The following GRIA4 variants were observed in gnomAD, a reference collection of about 807,000 sequenced individuals.
GRIA4 encodes glutamate receptor 4.
A neutral mutation model predicts 104.0 loss-of-function variants in GRIA4; 34 were observed. That is an observed-to-expected ratio of 0.33 (90% CI 0.25 to 0.44). The LOEUF is 0.44. Ranked by LOEUF, GRIA4 falls within the 20% of genes least tolerant of loss-of-function variation. The pLI, the probability that GRIA4 is intolerant of heterozygous loss-of-function variation, is 1.00. For missense variants in GRIA4, 750 were observed against 1,096.5 expected, an observed-to-expected ratio of 0.68 and a Z score of 4.46; for synonymous variants, 386 against 381.9, an observed-to-expected ratio of 1.01 and a Z score of -0.13.
chr11:105,806,207 A>G (rs898984315), intron 4 of GRIA4, among the ~76,000 whole-genome samples: 2 of 151,910 alleles, frequency 1.3e-5, no homozygotes, highest in African/African-American at 4.8e-5. Context: ...AAAAAGAAAT[A>G]TAAGTGGTTG....
intron 14 of GRIA4, among the ~76,000 whole-genome samples, chr11:105,957,062 C>G (rs567477774): frequency 5.2e-4 from 79 of 152,228 alleles, no homozygotes; most frequent in African/African-American, 1.8e-3. Flanking sequence ...TGTAGGTTGC[C>G]TGTTCACTCT....
chr11:105,947,934 A>C (rs1948357113), intron 14 of GRIA4, among the ~76,000 whole-genome samples: 1 of 152,208 alleles, frequency 6.6e-6, no homozygotes, highest in African/African-American at 2.4e-5. Context: ...AGAATCTCAT[A>C]AACTTAAAAT....
rs2136148524 is a variant in GRIA4, at chr11:105,905,231, T to C, written c.1088T>C (p.Phe363Ser). ...CAAGGGCTGACAGGGAATGTTCAGTTTGACCACTATGGACGTAGAGTCAAT... is the reference window on the plus strand; with the variant it reads ...CAAGGGCTGACAGGGAATGTTCAGTCTGACCACTATGGACGTAGAGTCAAT... ...RIQGLTGNVQ[F>S]DHYGRRVNYT... The change falls in exon 9 of 17, where the codon TTT becomes TCT. Residue 363 changes from phenylalanine (F) to serine (S), a missense_variant. Physicochemically the swap from Phe to Ser is radical, Grantham distance 155 (BLOSUM62 -2). Around this residue, in one of 3 missense-constraint regions of GRIA4, gnomAD observed 410 missense variants for 502.7 expected, o/e 0.82. Coordinates refer to ENST00000282499, the MANE Select transcript of GRIA4 (RefSeq NM_000829.4). 6.2e-7 allele frequency: 1 copy of C among 1,610,500 alleles called. No homozygotes were observed. Among genetic ancestry groups the C allele is most frequent in the Non-Finnish European group, 8.5e-7 (1 of 1,176,772 alleles).
At chr11:105,615,621 A>C (rs1486214589) in intron 3 of GRIA4, among the ~76,000 whole-genome samples, 1 of 151,856 alleles carries the variant, frequency 6.6e-6, no homozygotes, top group Non-Finnish European at 1.5e-5. Context: ...TGGACATTTA[A>C]AAAATAAATT....
At chr11:105,820,067 A>C (rs1943523355) in intron 4 of GRIA4, among the ~76,000 whole-genome samples, 1 of 152,130 alleles carries the variant, frequency 6.6e-6, no homozygotes, top group African/African-American at 2.4e-5. Flanking sequence ...AACTAGGAAG[A>C]GGCAGGGCAA....
chr11:105,654,391 A>G (rs918535324), intron 3 of GRIA4, among the ~76,000 whole-genome samples: 4 of 152,100 alleles, frequency 2.6e-5, no homozygotes, highest in South Asian at 2.1e-4. Flanking sequence ...CGCTATGTTC[A>G]TTAACTCAAT....
intron 3 of GRIA4, among the ~76,000 whole-genome samples, chr11:105,675,736 C>T (rs930167613): frequency 7.9e-5 from 12 of 151,658 alleles, no homozygotes; most frequent in African/African-American, 2.9e-4. Flanking sequence ...CATGGCTTAC[C>T]AAGTGCTTTT....
At chr11:105,803,895 T>TA (rs976804682) in intron 4 of GRIA4, among the ~76,000 whole-genome samples, 29 of 147,906 alleles carry the variant, frequency 2.0e-4, no homozygotes, top group Admixed American at 3.4e-4. Flanking sequence ...CCATGATTAC[T>TA]AGTATCTTGG....
In GRIA4 at chr11:105,981,755, T is replaced by A. The variant is rs2136304282; in HGVS notation, c.*2016T>A. 1 of 152,750 alleles carries A rather than the reference T, an allele frequency of 6.5e-6. No homozygotes were observed. The highest frequency in any genetic ancestry group is 2.4e-5 in the African/African-American group (1 of 41,546). 9.5% of individuals were successfully genotyped at this position (152,750 alleles called of 1,614,324 possible). ...ATGGAGCACTGCATAGACTATTTCC[T>A]CAGTGCGTAACTCCTCCCTGTCTCC... On this transcript the variant is annotated 3_prime_UTR_variant, in exon 17 of 17. Coordinates refer to ENST00000282499, the MANE Select transcript of GRIA4 (RefSeq NM_000829.4).
chr11:105,638,526 G>A (rs977693566), intron 3 of GRIA4, among the ~76,000 whole-genome samples: 7 of 130,872 alleles, frequency 5.3e-5, no homozygotes, highest in African/African-American at 1.1e-4. Flanking sequence ...TGTGCCTTAC[G>A]AGGTGCGCGT....
intron 4 of GRIA4, among the ~76,000 whole-genome samples, chr11:105,849,048 TG>T (rs1944700973): frequency 6.6e-6 from 1 of 152,044 alleles, no homozygotes; most frequent in Admixed American, 6.6e-5. Context: ...AAATATTAGC[TG>T]GGCATTGTGG....
intron 4 of GRIA4, among the ~76,000 whole-genome samples, chr11:105,775,252 T>C (rs1049387618): frequency 5.3e-5 from 8 of 152,116 alleles, no homozygotes; most frequent in Admixed American, 1.3e-4. Context: ...TCAAAACCCT[T>C]CATTTAATCA....
chr11:105,730,988 C>A (rs1433456039), intron 3 of GRIA4, among the ~76,000 whole-genome samples: 1 of 152,114 alleles, frequency 6.6e-6, no homozygotes, highest in African/African-American at 2.4e-5. Context: ...ATGAGTAAAA[C>A]ACCAAAGGCA....
At chr11:105,847,265 T>C (rs1944633717) in intron 4 of GRIA4, among the ~76,000 whole-genome samples, 1 of 152,188 alleles carries the variant, frequency 6.6e-6, no homozygotes, top group African/African-American at 2.4e-5. Flanking sequence ...CCTATGAGCA[T>C]CTAATGCCAC....
chr11:105,806,348 A>G (rs1258399189), intron 4 of GRIA4, among the ~76,000 whole-genome samples: 2 of 151,894 alleles, frequency 1.3e-5, no homozygotes, highest in African/African-American at 4.8e-5. Flanking sequence ...AGAGAGATAG[A>G]ACAAAGGAGA....
At chr11:105,664,399 T>A (rs1337921039) in intron 3 of GRIA4, among the ~76,000 whole-genome samples, 1 of 150,270 alleles carries the variant, frequency 6.7e-6, no homozygotes, top group Non-Finnish European at 1.5e-5. Flanking sequence ...GCATAAGAGA[T>A]CCAAGAGGTA....
At chr11:105,885,033 G>A (rs908296863) in intron 5 of GRIA4, among the ~76,000 whole-genome samples, 15 of 152,146 alleles carry the variant, frequency 9.9e-5, no homozygotes, top group African/African-American at 3.1e-4. Context: ...CCAGAAGAAC[G>A]TATAGTGAAT....
rs558144838 is a variant in GRIA4 at position 105,814,680 on chromosome 11, A to T, written c.488-47344A>T. Among the ~76,000 whole-genome samples the T allele has an allele frequency of 7.2e-5, 11 of 152,330 alleles. No individual in the cohort carries two copies. The East Asian group carries it at 2.1e-3, about 29-fold the overall frequency. On this transcript the variant is annotated intron_variant, in intron 4 of 16. Coordinates refer to ENST00000282499, the MANE Select transcript of GRIA4 (RefSeq NM_000829.4). ...ATTTTAAGTGTATACAGAAAGGGAAAAAAAGAATTGGCTACATTTTTTAGC... is the reference window on the plus strand; with the variant it reads ...ATTTTAAGTGTATACAGAAAGGGAATAAAAGAATTGGCTACATTTTTTAGC...
chr11:105,964,390 A>G (rs1948809998), intron 14 of GRIA4, among the ~76,000 whole-genome samples: 2 of 152,224 alleles, frequency 1.3e-5, no homozygotes, highest in Admixed American at 6.5e-5. Flanking sequence ...ACAAAATGGA[A>G]AAGCACGTTG....
Sources: gnomAD v4.1 joint callset for allele counts (sites outside exome capture counted in the v4.1 genomes callset) on GRCh38, gnomAD v4.1.1 for gene constraint, gnomAD v4.1.1 regional missense constraint, MANE v1.5 for transcripts, NCBI Gene and HGNC (gene_info 2026-07-23, HGNC 2026-07-21) for gene names.